The following NCEH1 variants were observed in gnomAD, a reference collection of about 807,000 sequenced individuals.
The protein encoded by NCEH1 is neutral cholesterol ester hydrolase 1, also known as 2-acetyl MAGE hydrolase.
A neutral mutation model predicts 25.4 loss-of-function variants in NCEH1; 9 were observed. That is an observed-to-expected ratio of 0.35 (90% confidence interval 0.21 to 0.62). The LOEUF is 0.62. NCEH1 is among the 20% of genes least tolerant of loss of function. The probability of loss-of-function intolerance (pLI) is 0.72; values close to 1 mark genes in which losing one functional copy is unlikely to be tolerated. For missense variants in NCEH1, 412 were observed against 501.1 expected (o/e 0.82, Z 1.70); for synonymous variants, 200 against 199.8 (o/e 1.00, Z -0.01).
chr3:172,640,803 G>A (rs571041747), intron 3 of NCEH1, among the ~76,000 whole-genome samples: 4 of 151,810 alleles, frequency 2.6e-5, no homozygotes, highest in South Asian at 4.2e-4. Flanking sequence ...CACTGCGCCC[G>A]GCCCCCTGTC....
At chr3:172,675,739 A>G (rs1223162585) in intron 1 of NCEH1, among the ~76,000 whole-genome samples, 1 of 152,210 alleles carries the variant, frequency 6.6e-6, no homozygotes, top group Middle Eastern at 3.2e-3. Context: ...CTCAAGGAAA[A>G]TGTTACTTTT....
chr3:172,670,229 A>G (rs1032755640), intron 1 of NCEH1, among the ~76,000 whole-genome samples: 8 of 152,216 alleles, frequency 5.3e-5, no homozygotes, highest in Admixed American at 2.6e-4. Context: ...AGCATTCTCT[A>G]CTTGCTCTCA....
chr3:172,662,064 C>A (rs1230665998), intron 1 of NCEH1, among the ~76,000 whole-genome samples: 1 of 152,102 alleles, frequency 6.6e-6, no homozygotes, highest in Non-Finnish European at 1.5e-5. Context: ...AAAGGGAAAG[C>A]TTCCAGTTTT....
At chr3:172,700,877 T>C (rs1162959708) in intron 1 of NCEH1, among the ~76,000 whole-genome samples, 3 of 151,864 alleles carry the variant, frequency 2.0e-5, no homozygotes, top group Admixed American at 6.6e-5. Flanking sequence ...GAAAAAAAAA[T>C]GAAATGAGGT....
At chr3:172,668,325 A>G (rs1718317244) in intron 1 of NCEH1, among the ~76,000 whole-genome samples, 2 of 150,620 alleles carry the variant, frequency 1.3e-5, no homozygotes, top group African/African-American at 2.4e-5. Flanking sequence ...CAATAAGCTC[A>G]GGAAACAAAT....
intron 1 of NCEH1, among the ~76,000 whole-genome samples, chr3:172,685,212 T>C (rs1275182855): frequency 6.6e-6 from 1 of 151,590 alleles, no homozygotes; most frequent in East Asian, 1.9e-4. Flanking sequence ...GAGGATGGCT[T>C]GAGCCTGGGA....
At chr3:172,648,290 A>G (rs1301009462) in intron 1 of NCEH1, among the ~76,000 whole-genome samples, 176 bp from the exon 2 acceptor site, 2 of 152,318 alleles carry the variant, frequency 1.3e-5, no homozygotes, top group East Asian at 3.9e-4. Flanking sequence ...TTTGGACAAA[A>G]TATTTTCATA....
intron 3 of NCEH1, among the ~76,000 whole-genome samples, chr3:172,640,492 C>CTTTA (rs377676926): frequency 1.3e-5 from 2 of 151,762 alleles, no homozygotes; most frequent in Non-Finnish European, 2.9e-5. Flanking sequence ...TCCCTGCCCC[C>CTTTA]TTTATTTATT....
chr3:172,684,647 T>C (rs560508229), intron 1 of NCEH1, among the ~76,000 whole-genome samples: 1 of 152,296 alleles, frequency 6.6e-6, no homozygotes, highest in South Asian at 2.1e-4. Context: ...AGAGAAATCC[T>C]AGTAGTTGGA....
At position 172,681,710 on chromosome 3, in the gene NCEH1, T is replaced by G. The variant is rs1461832153; in HGVS notation, c.138+29137A>C. On this transcript the variant is annotated intron_variant, in intron 1 of 4. Coordinates refer to ENST00000475381, the MANE Select transcript of NCEH1 (RefSeq NM_020792.6). ...TTCGAGACCAGCCTGGCCAAGATGGTAAAACCCTGTCTCTAGTAAAAATAC... is the reference window on the plus strand; with the variant it reads ...TTCGAGACCAGCCTGGCCAAGATGGGAAAACCCTGTCTCTAGTAAAAATAC... Among the ~76,000 whole-genome samples the G allele has an allele frequency of 3.1e-5, 3 of 98,186 alleles. No individual in the cohort carries two copies. In the South Asian group the frequency reaches 8.6e-4, roughly 28 times the overall value. The allele number at this position is 98,186 out of a possible 152,430, so 64.4% of individuals were successfully genotyped here.
intron 1 of NCEH1, among the ~76,000 whole-genome samples, chr3:172,680,415 C>G (rs1460618470): frequency 6.6e-6 from 1 of 152,182 alleles, no homozygotes; most frequent in Non-Finnish European, 1.5e-5. Context: ...CTACTCACTT[C>G]TGGACAGACA....
At chr3:172,662,035 TC>T (rs145662239) in intron 1 of NCEH1, among the ~76,000 whole-genome samples, 73,287 of 151,974 alleles carry the variant, frequency 0.48, 20,045 homozygotes, top group African/African-American at 0.77. Flanking sequence ...AGGGCATCCC[TC>T]CTCTTGTGCC....
intron 3 of NCEH1, among the ~76,000 whole-genome samples, chr3:172,639,016 C>T (rs531644688): frequency 2.6e-5 from 4 of 152,230 alleles, no homozygotes; most frequent in African/African-American, 9.6e-5. Context: ...TGGCCAGGCA[C>T]GGTGGCTCAC....
intron 1 of NCEH1, among the ~76,000 whole-genome samples, chr3:172,653,764 T>TTTTG (rs1717554591): frequency 2.1e-5 from 1 of 48,158 alleles, no homozygotes; most frequent in African/African-American, 5.9e-5. Context: ...TTTTTTGTTT[T>TTTTG]TTTTTTTTTT....
At chr3:172,691,942 G>A (rs1430855397) in intron 1 of NCEH1, among the ~76,000 whole-genome samples, 8 of 64,398 alleles carry the variant, frequency 1.2e-4, no homozygotes, top group South Asian at 1.4e-3. Context: ...GCAAGACTCC[G>A]TCTCAAAAAA....
Position 172,702,302 on chromosome 3 carries a change from A to C in NCEH1, c.138+8545T>G, listed in dbSNP as rs921806022. 6.6e-5 allele frequency among the ~76,000 whole-genome samples: 10 copies of C among 152,180 alleles called. No homozygotes were observed. In the South Asian group the frequency reaches 1.0e-3, roughly 16 times the overall value. On this transcript the variant is annotated intron_variant, in intron 1 of 4. Coordinates refer to ENST00000475381, the MANE Select transcript of NCEH1 (RefSeq NM_020792.6). Reference sequence around the variant, plus strand: ...ATCTGCCACAGAGTAAATGCTCACTATATGCTCAATAGATATTTTTACTAT... The same window carrying C: ...ATCTGCCACAGAGTAAATGCTCACTCTATGCTCAATAGATATTTTTACTAT...
intron 1 of NCEH1, among the ~76,000 whole-genome samples, chr3:172,679,738 C>T (rs191161178): frequency 6.6e-6 from 1 of 152,098 alleles, no homozygotes; most frequent in East Asian, 1.9e-4. Context: ...TATGCAAATG[C>T]CAGCCATTAG....
chr3:172,649,176 T>G (rs1430778972), intron 1 of NCEH1, among the ~76,000 whole-genome samples: 1 of 152,134 alleles, frequency 6.6e-6, no homozygotes, highest in African/African-American at 2.4e-5. Context: ...TCCTGAGCCC[T>G]TTACCCCAGT....
chr3:172,693,044 G>A (rs887507465), intron 1 of NCEH1, among the ~76,000 whole-genome samples: 1 of 152,182 alleles, frequency 6.6e-6, no homozygotes, highest in Non-Finnish European at 1.5e-5. Context: ...ACTTACAGGG[G>A]CTTCCTCCAA....
Sources: allele counts gnomAD v4.1 joint callset (sites outside exome capture counted in the v4.1 genomes callset), GRCh38; gene constraint gnomAD v4.1.1; transcripts MANE v1.5; gene names NCBI Gene and HGNC (gene_info 2026-07-23, HGNC 2026-07-21).